Variants in WIPF1 observed in about 807,000 individuals in gnomAD.
WIPF1 encodes WAS/WASL interacting protein family member 1, also known as WAS/WASL-interacting protein family member 1.
WIPF1 carries 13 observed loss-of-function variants against 35.4 expected under a neutral mutation model. The observed-to-expected ratio is 0.37, with a 90% CI of 0.24 to 0.58. WIPF1 has a LOEUF of 0.58. Ranked by LOEUF, WIPF1 falls within the 20% of genes least tolerant of loss-of-function variation. WIPF1 has a pLI of 0.74. For synonymous variants in WIPF1, 267 were observed against 266.3 expected, an observed-to-expected ratio of 1.00 and a Z score of -0.02; for missense variants, 591 against 667.0, an observed-to-expected ratio of 0.89 and a Z score of 1.25.
At chr2:174,588,426 C>T (rs921849080) in intron 1 of WIPF1, among the ~76,000 whole-genome samples, 13 of 152,298 alleles carry the variant, frequency 8.5e-5, no homozygotes, top group African/African-American at 3.1e-4. Context: ...GTTCGGCTCT[C>T]GTAACAGAGA....
At chr2:174,586,085 A>C (rs1018992105) in intron 1 of WIPF1, among the ~76,000 whole-genome samples, 11 of 152,208 alleles carry the variant, frequency 7.2e-5, no homozygotes, top group Non-Finnish European at 1.6e-4. Flanking sequence ...CACTGCAGGA[A>C]TATGAAAATG....
At chr2:174,598,106 A>C (rs1685878842), upstream of WIPF1, 1 of 152,176 alleles carries the variant, frequency 6.6e-6, no homozygotes, top group Non-Finnish European at 1.5e-5. Context: ...TATCACTGTA[A>C]ATACTGACTA....
In WIPF1 at chr2:174,575,308, C is replaced by CCA; in HGVS notation, c.252_253dup (p.Gly85ValfsTer28). 1 of 1,613,796 alleles carries CCA rather than the reference C, an allele frequency of 6.2e-7. No individual in the cohort carries two copies. The highest frequency in any genetic ancestry group is 8.5e-7 in the Non-Finnish European group (1 of 1,179,904). ...TCCAAAACTTCCACCGCCTCCGCCA[C>CCA]CACCTCCTCCGCCAAATCCGCCGCC... is the stretch of plus-strand genomic sequence containing the variant. On this transcript the variant is annotated frameshift_variant, in exon 4 of 8. Coordinates refer to ENST00000679041, the MANE Select transcript of WIPF1 (RefSeq NM_001375834.1). LOFTEE classifies it high-confidence loss of function.
rs779524299 is a variant in WIPF1, at chr2:174,575,419, G to A, written c.182-39C>T. On this transcript the variant is annotated intron_variant, in intron 3 of 7. Coordinates refer to ENST00000679041, the MANE Select transcript of WIPF1 (RefSeq NM_001375834.1). ...GACACCCGACAGACTATGCCCCCTG[G>A]TCTGGCCCAGGTAAACCATAAAACA... 8 of 1,561,722 alleles carry A rather than the reference G, an allele frequency of 5.1e-6. No individual in the cohort carries two copies. In the Admixed American group the frequency reaches 1.3e-4, roughly 25 times the overall value.
chr2:174,581,551 A>G (rs1438923287), intron 2 of WIPF1, 112 bp from the exon 3 acceptor site: 5 of 1,398,572 alleles, frequency 3.6e-6, no homozygotes, highest in Non-Finnish European at 4.8e-6. Flanking sequence ...GTTCTTGGTG[A>G]TAGGTTGTAA....
In WIPF1 at chr2:174,585,524, AGTGCAAACGTCGGG is replaced by A; in HGVS notation, c.36_49del (p.Pro13GlyfsTer10). 9.6e-7 allele frequency: 1 copy of A among 1,039,628 alleles called. No homozygotes were observed. The highest frequency in any genetic ancestry group is 1.4e-6 in the Non-Finnish European group (1 of 739,282). The allele number at this position is 1,039,628 out of a possible 1,614,324, so 64.4% of individuals were successfully genotyped here. A position where few individuals can be genotyped will look rare whatever the true frequency, so the allele number is the denominator to read the frequency against. ...AGTGTTTGGGGAGGAGACACTCACC[AGTGCAAACGTCGGG>A]GGCGGCGGGGGTGCTGGAGGGGGAG... On this transcript the variant is annotated frameshift_variant and splice_region_variant, in exon 2 of 8. Coordinates refer to ENST00000679041, the MANE Select transcript of WIPF1 (RefSeq NM_001375834.1). LOFTEE classifies it high-confidence loss of function.
upstream of WIPF1, among the ~76,000 whole-genome samples, chr2:174,598,410 C>T (rs1452412540): frequency 3.3e-5 from 5 of 152,208 alleles, no homozygotes; most frequent in East Asian, 5.8e-4. Flanking sequence ...CTCCTGGGTT[C>T]GAGCAATCCT....
intron 2 of WIPF1, among the ~76,000 whole-genome samples, chr2:174,584,851 G>A (rs925938412): frequency 5.3e-5 from 8 of 151,744 alleles, no homozygotes; most frequent in East Asian, 1.9e-4. Flanking sequence ...TGGAAGTTGC[G>A]GTGAGCTGAG....
At chr2:174,682,071 G>A (rs1688259265) in intron 1 of WIPF1, among the ~76,000 whole-genome samples, 1 of 152,240 alleles carries the variant, frequency 6.6e-6, no homozygotes, top group African/African-American at 2.4e-5. Flanking sequence ...GAAAAAGGTA[G>A]GGGACGCGAG....
At chr2:174,620,429 T>G (rs1406994025) in intron 1 of WIPF1, among the ~76,000 whole-genome samples, 4 of 152,232 alleles carry the variant, frequency 2.6e-5, no homozygotes, top group Non-Finnish European at 4.4e-5. Context: ...AAAAAGAAAC[T>G]ACAGTTGTTC....
intron 1 of WIPF1, among the ~76,000 whole-genome samples, chr2:174,645,057 T>TAGGGATAA (rs1559171081): frequency 4.6e-5 from 7 of 152,132 alleles, no homozygotes; most frequent in Admixed American, 2.0e-4. Context: ...GGGATAAAGG[T>TAGGGATAA]ATAGCAAGTA....
chr2:174,577,504 G>A (rs1480055618), intron 3 of WIPF1, among the ~76,000 whole-genome samples: 1 of 152,068 alleles, frequency 6.6e-6, no homozygotes, highest in African/African-American at 2.4e-5. Flanking sequence ...TTCAGTCTGT[G>A]GATCCTTCTA....
intron 1 of WIPF1, among the ~76,000 whole-genome samples, chr2:174,666,756 T>C (rs1023156886): frequency 1.3e-5 from 2 of 152,254 alleles, no homozygotes; most frequent in African/African-American, 4.8e-5. Context: ...AGCTGGCTGA[T>C]GCTGACACAG....
At chr2:174,563,436 G>C (rs372580027) in intron 7 of WIPF1, among the ~76,000 whole-genome samples, 1 of 152,044 alleles carries the variant, frequency 6.6e-6, no homozygotes, top group Non-Finnish European at 1.5e-5. Context: ...GTTGGTGTGC[G>C]CCTGTCCCAT....
At chr2:174,625,710 G>C (rs1298569521) in intron 1 of WIPF1, 1 of 152,146 alleles carries the variant, frequency 6.6e-6, no homozygotes, top group Non-Finnish European at 1.5e-5. Flanking sequence ...TGTTATTCCA[G>C]GGTACTAACA....
rs369736015 is a variant in WIPF1 at position 174,571,957 on chromosome 2, G to C, written c.848C>G (p.Pro283Arg). The C allele has an allele frequency of 2.8e-5, 44 of 1,573,666 alleles. No individual in the cohort carries two copies. Among genetic ancestry groups the C allele is most frequent in the Middle Eastern group, 3.4e-4 (2 of 5,804 alleles). ...CTTGTTGTTCTGAGGAGGAGGAGGG[G>C]GAACCGCTTCCCTGTGGATGGAGGG... ...NRPSIHREAVPPPPPQNNKPP... is the reference protein window; with the variant it reads ...NRPSIHREAVRPPPPQNNKPP... The change falls in exon 5 of 8, where the codon CCC becomes CGC. Residue 283 changes from proline to arginine, a missense_variant. Coordinates refer to ENST00000679041, the MANE Select transcript of WIPF1 (RefSeq NM_001375834.1). The surrounding 1 kb of genome is among the most constrained non-coding windows in gnomAD (Gnocchi z 4.6).
At chr2:174,580,811 C>A (rs769450492) in intron 3 of WIPF1, among the ~76,000 whole-genome samples, 2 of 152,200 alleles carry the variant, frequency 1.3e-5, no homozygotes, top group Admixed American at 1.3e-4. Context: ...ATTACACTTT[C>A]CAGACAACAA....
chr2:174,575,096 G>A (rs1685002929), intron 4 of WIPF1, 108 bp downstream of exon 4: 1 of 1,204,714 alleles, frequency 8.3e-7, no homozygotes, highest in Non-Finnish European at 1.2e-6. Flanking sequence ...TTAAAACAAT[G>A]TACAATATTT....
chr2:174,627,554 T>C (rs1244515001), intron 1 of WIPF1, among the ~76,000 whole-genome samples: 1 of 150,970 alleles, frequency 6.6e-6, no homozygotes, highest in Non-Finnish European at 1.5e-5. Flanking sequence ...CTTTCTTTTT[T>C]TTTTTTGAGA....
Sources: gnomAD v4.1 joint callset for allele counts (sites outside exome capture counted in the v4.1 genomes callset) on GRCh38, gnomAD v4.1.1 for gene constraint, Gnocchi (gnomAD v3.1) non-coding constraint, MANE v1.5 for transcripts, NCBI Gene and HGNC (gene_info 2026-07-23, HGNC 2026-07-21) for gene names.